PTGES2: variants seen among roughly 807,000 people sequenced by gnomAD.
PTGES2 encodes the protein prostaglandin E synthase 2.
Under a neutral mutation model 44.5 loss-of-function variants are expected in PTGES2, and 35 were observed. The ratio of observed to expected loss-of-function variants is 0.79; its 90% CI spans 0.60 to 1.04. PTGES2 has a LOEUF of 1.04. Ranked by LOEUF, PTGES2 falls within the 50% of genes least tolerant of loss-of-function variation. The pLI is 0.00. For missense variants in PTGES2, 517 were observed against 521.4 expected (o/e 0.99, Z 0.08); for synonymous variants, 221 against 227.5 (o/e 0.97, Z 0.26).
At position 128,123,652 on chromosome 9, in the gene PTGES2, G is replaced by GA. The variant is rs1834507646; in HGVS notation, c.686+49dup. 9 of 1,578,266 alleles carry GA rather than the reference G, an allele frequency of 5.7e-6. No individual in the cohort carries two copies. In the East Asian group the frequency reaches 2.0e-4, roughly 36 times the overall value. On this transcript the variant is annotated intron_variant, in intron 4 of 6. Coordinates refer to ENST00000338961, the MANE Select transcript of PTGES2 (RefSeq NM_025072.7). This position sits in a 1 kb window ranked among gnomAD's most constrained non-coding sequence, Gnocchi z 4.4. The stretch of plus-strand genomic sequence containing the variant: ...TTGCTCAGCTTGGTCCTACTCTACA[G>GA]AAGACCCCTGCGGTCACCACCTTCC...
chr9:128,127,613 C>A lies in PTGES2; in HGVS notation c.105G>T (p.Arg35=), dbSNP rs1376255743. The A allele has an allele frequency of 3.2e-6, 4 of 1,268,826 alleles. No homozygotes were observed. The African/African-American group carries it at 4.7e-5, about 15-fold the overall frequency. The allele number at this position is 1,268,826 out of a possible 1,614,324, so 78.6% of individuals were successfully genotyped here. Residue 35 remains arginine, a synonymous_variant, in exon 1 of 7, where the codon CGG becomes CGT. Coordinates refer to ENST00000338961, the MANE Select transcript of PTGES2 (RefSeq NM_025072.7). ...RPQPLLPTQS[R]AGFAGAAGGP... is the part of the protein sequence containing the mutation. Reference sequence around the variant, plus strand: ...CGCCCGCCGCCCCCGCGAAGCCAGCCCGGCTCTGCGTGGGTAGCAGCGGCT... The same window carrying A: ...CGCCCGCCGCCCCCGCGAAGCCAGCACGGCTCTGCGTGGGTAGCAGCGGCT...
intron 6 of PTGES2, 96 bp from the exon 7 acceptor site, chr9:128,121,369 T>C: frequency 1.4e-6 from 2 of 1,456,118 alleles, no homozygotes; most frequent in Non-Finnish European, 1.8e-6. Flanking sequence ...TCCCGTCCCC[T>C]CCCCCCTTGG....
At position 128,121,215 on chromosome 9, in the gene PTGES2, T is replaced by A; in HGVS notation, c.1064A>T (p.Gln355Leu). The A allele has an allele frequency of 6.2e-7, 1 of 1,600,774 alleles. No individual in the cohort carries two copies. Among genetic ancestry groups the A allele is most frequent in the Non-Finnish European group, 8.5e-7 (1 of 1,173,738 alleles). ...GTACCAGGGCTGGATGTGCGTGTGC[T>A]GCATCAGGTCATCGAACGCATCCAG... Reference protein sequence around the residue: ...EGLDAFDDLMQHTHIQPWYLR... With the variant: ...EGLDAFDDLMLHTHIQPWYLR... Residue 355 changes from glutamine (Q) to leucine (L), a missense_variant, in exon 7 of 7, where the codon CAG becomes CTG. By Grantham distance (113) the Gln-to-Leu change is moderately radical (BLOSUM62 -2). Coordinates refer to ENST00000338961, the MANE Select transcript of PTGES2 (RefSeq NM_025072.7).
chr9:128,123,808 C>A lies in PTGES2; in HGVS notation c.580G>T (p.Ala194Ser). Residue 194 changes from alanine to serine, a missense_variant, in exon 4 of 7, where the codon GCT (alanine) becomes TCT (serine). Transcript: ENST00000338961. This position sits in a 1 kb window ranked among gnomAD's most constrained non-coding sequence, Gnocchi z 4.4. ...EIITYYPAMK[A>S]VNEQGKEVTE... ...ACCTCCTTGCCCTGCTCGTTCACAGCCTTCATGGCTGGGTAGTAGGTGATG... is the reference window on the plus strand; with the variant it reads ...ACCTCCTTGCCCTGCTCGTTCACAGACTTCATGGCTGGGTAGTAGGTGATG... 1 of 1,614,140 alleles carries A rather than the reference C, an allele frequency of 6.2e-7. No homozygotes were observed. The highest frequency in any genetic ancestry group is 8.5e-7 in the Non-Finnish European group (1 of 1,180,008).
rs1834382704 is a variant in PTGES2 at position 128,120,909 on chromosome 9, G to A, written c.*236C>T. The A allele has an allele frequency of 7.4e-6, 4 of 543,374 alleles. No homozygotes were observed. Among genetic ancestry groups the A allele is most frequent in the South Asian group, 7.3e-5 (3 of 41,346 alleles). 33.7% of individuals were successfully genotyped at this position (543,374 alleles called of 1,614,324 possible). A position where few individuals can be genotyped will look rare whatever the true frequency, so the allele number is the denominator to read the frequency against. ...TCCAGGAAGAGGGGCGGCAGAGCAG[G>A]GAGGCAGGGACAGGGAGGGGTCGCC... On this transcript the variant is annotated 3_prime_UTR_variant, in exon 7 of 7. Coordinates refer to ENST00000338961, the MANE Select transcript of PTGES2 (RefSeq NM_025072.7).
At chr9:128,127,396 G>T in intron 1 of PTGES2, 43 bp downstream of exon 1, 1 of 1,324,678 alleles carries the variant, frequency 7.5e-7, no homozygotes, top group South Asian at 2.3e-5. Flanking sequence ...TCCCGAGTTC[G>T]GCGCTGATCA....
In PTGES2 at chr9:128,122,453, TCGCG is replaced by T; in HGVS notation, c.910_913del (p.Glu305ThrfsTer38). On this transcript the variant is annotated frameshift_variant, in exon 6 of 7. Coordinates refer to ENST00000338961, the MANE Select transcript of PTGES2 (RefSeq NM_025072.7). LOFTEE classifies it high-confidence loss of function. ...CTTGTCAGCAGCCTCATAGAGGTCC[TCGCG>T]CACGTTGTCCTGGAGGCGGTGCCTG... The T allele has an allele frequency of 6.2e-7, 1 of 1,614,116 alleles. No individual in the cohort carries two copies. The highest frequency in any genetic ancestry group is 8.5e-7 in the Non-Finnish European group (1 of 1,180,010).
upstream of PTGES2, chr9:128,127,947 C>T (rs111874989): frequency 1.9e-4 from 79 of 422,914 alleles, no homozygotes; most frequent in Non-Finnish European, 2.7e-4. Context: ...TCCATGCTTC[C>T]GCCTCCAAAG....
chr9:128,128,134 C>A (rs74967900), upstream of PTGES2: 4,784 of 357,384 alleles, frequency 0.013, 46 homozygotes, highest in Non-Finnish European at 0.018. Flanking sequence ...CGACTTCCGG[C>A]CACTGAAAGC....
intron 2 of PTGES2, 81 bp from the exon 3 acceptor site, chr9:128,124,631 T>A (rs1834550382): frequency 1.4e-6 from 2 of 1,417,592 alleles, no homozygotes; most frequent in Non-Finnish European, 2.0e-6. Flanking sequence ...CAAGACACTC[T>A]GGGCATTGTT....
chr9:128,122,328 C>A, intron 6 of PTGES2, 34 bp downstream of exon 6: 1 of 1,551,894 alleles, frequency 6.4e-7, no homozygotes. Flanking sequence ...ACAGAACCCT[C>A]GGTCCAGGCA....
At chr9:128,126,691 C>T (rs370826422) in intron 1 of PTGES2, among the ~76,000 whole-genome samples, 1 of 151,274 alleles carries the variant, frequency 6.6e-6, no homozygotes, top group African/African-American at 2.4e-5. Context: ...AGACCCCCGT[C>T]TCTAGTAAAA....
chr9:128,127,411 C>A (rs533047259), intron 1 of PTGES2, 28 bp downstream of exon 1: 2 of 1,337,342 alleles, frequency 1.5e-6, no homozygotes, highest in East Asian at 2.8e-5. Context: ...TGATCAGCAT[C>A]CCCATCCCCG....
chr9:128,122,445 A>G lies in PTGES2; in HGVS notation c.922T>C (p.Tyr308His), dbSNP rs1834448782. 1.9e-6 allele frequency: 3 copies of G among 1,614,026 alleles called. No individual in the cohort carries two copies. The East Asian group carries it at 6.7e-5, about 36-fold the overall frequency. Residue 308 changes from tyrosine to histidine, a missense_variant, in exon 6 of 7, where the codon TAT becomes CAT. By Grantham distance (83) the Tyr-to-His change is moderately conservative (BLOSUM62 2). Transcript: ENST00000338961. ...RLQDNVREDL[Y>H]EAADKWVAAV... Reference sequence around the variant, plus strand: ...GCCACCCACTTGTCAGCAGCCTCATAGAGGTCCTCGCGCACGTTGTCCTGG... The same window carrying G: ...GCCACCCACTTGTCAGCAGCCTCATGGAGGTCCTCGCGCACGTTGTCCTGG...
upstream of PTGES2, chr9:128,128,194 C>T (rs1372444960): frequency 2.6e-6 from 1 of 381,176 alleles, no homozygotes; most frequent in Non-Finnish European, 5.3e-6. Flanking sequence ...TCTCTGCCCT[C>T]CCGCCTCATT....
At position 128,123,928 on chromosome 9, in the gene PTGES2, C is replaced by T. The variant is rs58347614; in HGVS notation, c.537-77G>A. On this transcript the variant is annotated intron_variant, in intron 3 of 6. Transcript: ENST00000338961. This position sits in a 1 kb window ranked among gnomAD's most constrained non-coding sequence, Gnocchi z 4.4. ...TGGCCGACCAACCCCGCTGCCCCAG[C>T]CTCAGAGTGGAGCCAGGACCAACAA... The T allele has an allele frequency of 2.0e-3, 3,019 of 1,541,718 alleles. 48 individuals carry two copies. The African/African-American group carries it at 0.037, about 19-fold the overall frequency.
Position 128,123,366 on chromosome 9 carries a change from C to T in PTGES2, c.687-232G>A, listed in dbSNP as rs1834498131. On this transcript the variant is annotated intron_variant, in intron 4 of 6. Transcript: ENST00000338961. This position sits in a 1 kb window ranked among gnomAD's most constrained non-coding sequence, Gnocchi z 4.4. ...GGTTCAAGCGATTCTCCTGCTTCAGCCTCCTTAGTAGCTGGGATTATAGGT... is the reference window on the plus strand; with the variant it reads ...GGTTCAAGCGATTCTCCTGCTTCAGTCTCCTTAGTAGCTGGGATTATAGGT... Among the ~76,000 whole-genome samples, 1 of 152,098 alleles carries T rather than the reference C, an allele frequency of 6.6e-6. No individual in the cohort carries two copies. The highest frequency in any genetic ancestry group is 2.1e-4 in the South Asian group (1 of 4,826).
At position 128,121,357 on chromosome 9, in the gene PTGES2, G is replaced by C. The variant is rs1340523364; in HGVS notation, c.1006-84C>G. The C allele has an allele frequency of 6.6e-6, 10 of 1,505,256 alleles. No homozygotes were observed. The East Asian group carries it at 2.4e-4, about 36-fold the overall frequency. The allele number at this position is 1,505,256 out of a possible 1,614,324, so 93.2% of individuals were successfully genotyped here. A position where few individuals can be genotyped will look rare whatever the true frequency, so the allele number is the denominator to read the frequency against. On this transcript the variant is annotated intron_variant, in intron 6 of 6. Coordinates refer to ENST00000338961, the MANE Select transcript of PTGES2 (RefSeq NM_025072.7). ...TCGTTCCCTGCCAGCTGTGTGGCCA[G>C]GTCCCGTCCCCTCCCCCCTTGGAGC...
upstream of PTGES2, chr9:128,128,167 A>G (rs956236713): frequency 5.4e-5 from 7 of 129,252 alleles, no homozygotes; most frequent in South Asian, 2.9e-4. Flanking sequence ...CCGACCCGGC[A>G]CCAGGTGTTG....
Sources: allele counts gnomAD v4.1 joint callset (sites outside exome capture counted in the v4.1 genomes callset), GRCh38; gene constraint gnomAD v4.1.1; non-coding constraint Gnocchi (gnomAD v3.1); transcripts MANE v1.5; gene names NCBI Gene and HGNC (gene_info 2026-07-23, HGNC 2026-07-21).